Variants in C16orf46 observed in about 807,000 individuals in gnomAD.
C16orf46 encodes uncharacterized protein C16orf46.
In C16orf46, 7 loss-of-function variants were observed where a neutral mutation model predicts 5.5. The observed-to-expected ratio is 1.28, with a 90% CI of 0.73 to 2.40. The LOEUF is 2.40. Ranked by LOEUF, C16orf46 falls within the 30% of genes most tolerant of loss-of-function variation. The pLI is 0.00. For missense variants in C16orf46, 614 were observed against 476.0 expected (o/e 1.29, Z -2.70); for synonymous variants, 200 against 184.1 (o/e 1.09, Z -0.70).
chr16:81,074,735 ATTTT>A (rs559369921), intron 1 of C16orf46, among the ~76,000 whole-genome samples: 7 of 144,286 alleles, frequency 4.9e-5, no homozygotes, highest in Admixed American at 4.2e-4. Context: ...CAACTTCCAG[ATTTT>A]TTTTTTTTTC....
At chr16:81,057,149 G>A (rs190256702), downstream of C16orf46, among the ~76,000 whole-genome samples, 2 of 152,264 alleles carry the variant, frequency 1.3e-5, no homozygotes, top group East Asian at 3.9e-4. Context: ...AGGTTGAAAA[G>A]CCCTGTCCTA....
In C16orf46 at chr16:81,061,647, C is replaced by A. The variant is rs1971480984; in HGVS notation, c.702G>T (p.Leu234Phe). 1 of 1,614,212 alleles carries A rather than the reference C, an allele frequency of 6.2e-7. No homozygotes were observed. Among genetic ancestry groups the A allele is most frequent in the South Asian group, 1.1e-5 (1 of 91,088 alleles). Residue 234 changes from leucine to phenylalanine, a missense_variant, in exon 4 of 4, where the codon TTG becomes TTT. Transcript: ENST00000299578. ...CATCCAGCACCTTCTCTTCTGACTG[C>A]AAGAAAGAGTTCTTACTCTTCTTAC... ...VLGKKSKNSF[L>F]QSEEKVLDVE...
chr16:81,060,120 G>C (rs1567572103), downstream of C16orf46, among the ~76,000 whole-genome samples: 1 of 151,968 alleles, frequency 6.6e-6, no homozygotes, highest in Non-Finnish European at 1.5e-5. Context: ...CTGCTTCCCA[G>C]GCTGGATTTT....
Position 81,063,768 on chromosome 16 carries a change from A to T in C16orf46, c.188T>A (p.Ile63Asn). The T allele has an allele frequency of 1.2e-6, 2 of 1,613,740 alleles. No individual in the cohort carries two copies. Among genetic ancestry groups the T allele is most frequent in the East Asian group, 4.5e-5 (2 of 44,868 alleles). Residue 63 changes from isoleucine (I) to asparagine (N), a missense_variant, in exon 3 of 4, where the codon ATT becomes AAT. Transcript: ENST00000299578. ...CACTGCCTCTTCCCATCCAGTTCCA[A>T]TAATAAACTCTTTGGCTTTTTCATC... ...EQDEKAKEFI[I>N]GTGWEEAVQG... is the part of the protein sequence containing the mutation.
Position 81,067,965 on chromosome 16 carries a change from G to C in C16orf46, c.-127-1684C>G, listed in dbSNP as rs142209287. Reference sequence around the variant, plus strand: ...TAACAAGTTTTATAAAAGTGATTTAGAGGAACTCCAGAAATATTTGTCCAA... The same window carrying C: ...TAACAAGTTTTATAAAAGTGATTTACAGGAACTCCAGAAATATTTGTCCAA... On this transcript the variant is annotated intron_variant, in intron 1 of 3. Transcript: ENST00000299578. 2.8e-3 allele frequency among the ~76,000 whole-genome samples: 433 copies of C among 152,344 alleles called. 3 individuals carry two copies. The highest frequency in any genetic ancestry group is 0.01 in the African/African-American group (416 of 41,578).
chr16:81,074,603 T>C (rs1262412920), intron 1 of C16orf46, among the ~76,000 whole-genome samples: 5 of 152,136 alleles, frequency 3.3e-5, no homozygotes, highest in Admixed American at 6.5e-5. Context: ...TAGGATGGTC[T>C]CGATCTCTTG....
At chr16:81,067,088 C>A (rs774600900) in intron 1 of C16orf46, among the ~76,000 whole-genome samples, 31 of 152,098 alleles carry the variant, frequency 2.0e-4, no homozygotes, top group Non-Finnish European at 2.4e-4. Flanking sequence ...CAAAGAAAAA[C>A]TGATCAAAGA....
intron 1 of C16orf46, among the ~76,000 whole-genome samples, chr16:81,072,575 A>C (rs1971893535): frequency 6.6e-6 from 1 of 151,758 alleles, no homozygotes; most frequent in Non-Finnish European, 1.5e-5. Context: ...GTAGAGATGG[A>C]GTTTCTTCAT....
At chr16:81,054,868 G>A (rs561021755) in intron 3 of C16orf46, among the ~76,000 whole-genome samples, 2 of 152,036 alleles carry the variant, frequency 1.3e-5, no homozygotes, top group East Asian at 1.9e-4. Flanking sequence ...GGCTGGTCTC[G>A]AACTCCTGAC....
Position 81,061,651 on chromosome 16 carries a change from A to T in C16orf46, c.698T>A (p.Phe233Tyr). The T allele has an allele frequency of 6.2e-7, 1 of 1,614,178 alleles. No homozygotes were observed. Among genetic ancestry groups the T allele is most frequent in the Non-Finnish European group, 8.5e-7 (1 of 1,180,034 alleles). The change falls in exon 4 of 4, where the codon TTC becomes TAC. Residue 233 changes from phenylalanine to tyrosine, a missense_variant. Transcript: ENST00000299578. ...CAGCACCTTCTCTTCTGACTGCAAG[A>T]AAGAGTTCTTACTCTTCTTACCCAG... ...DVLGKKSKNS[F>Y]LQSEEKVLDV...
chr16:81,059,279 C>T (rs1218937194), downstream of C16orf46, among the ~76,000 whole-genome samples: 1 of 138,878 alleles, frequency 7.2e-6, no homozygotes, highest in Non-Finnish European at 1.5e-5. Flanking sequence ...CAAGATCATG[C>T]CACTGCATTC....
chr16:81,071,100 G>C (rs1402163188), intron 1 of C16orf46, among the ~76,000 whole-genome samples: 1 of 152,174 alleles, frequency 6.6e-6, no homozygotes, highest in Non-Finnish European at 1.5e-5. Context: ...CAATCAGACA[G>C]CGGCGATATG....
intron 1 of C16orf46, among the ~76,000 whole-genome samples, chr16:81,076,252 A>C (rs969254686): frequency 1.4e-4 from 22 of 152,244 alleles, no homozygotes; most frequent in Admixed American, 1.4e-3. Context: ...CAGTTTCTAC[A>C]GGAAAATGAG....
At chr16:81,070,664 G>T (rs762858946) in intron 1 of C16orf46, among the ~76,000 whole-genome samples, 3 of 152,034 alleles carry the variant, frequency 2.0e-5, no homozygotes, top group Non-Finnish European at 4.4e-5. Context: ...CTTTTATTTG[G>T]GGGTTTCCTG....
chr16:81,061,980 T>A lies in C16orf46; in HGVS notation c.369A>T (p.Pro123=), dbSNP rs1208155469. 1.9e-6 allele frequency: 3 copies of A among 1,614,184 alleles called. No individual in the cohort carries two copies. Among genetic ancestry groups the A allele is most frequent in the Non-Finnish European group, 2.5e-6 (3 of 1,180,022 alleles). The change falls in exon 4 of 4, where the codon CCA becomes CCT. Residue 123 remains proline, a synonymous_variant. Coordinates refer to ENST00000299578, the MANE Select transcript of C16orf46 (RefSeq NM_152337.3). ...GGGAGGGGCTGCTCTGATCCTTCTC[T>A]GGGCCCCCCTCAGTAGGAGGCTTGG... ...LQTKPPTEGG[P]EKDQSSPSQT...
At chr16:81,063,256 A>AT (rs1971546789) in intron 3 of C16orf46, among the ~76,000 whole-genome samples, 1 of 151,266 alleles carries the variant, frequency 6.6e-6, no homozygotes, top group African/African-American at 2.4e-5. Flanking sequence ...GAAAAAAAAA[A>AT]AAAAAAAAAA....
chr16:81,056,782 C>T (rs377563549), downstream of C16orf46, among the ~76,000 whole-genome samples: 3 of 151,642 alleles, frequency 2.0e-5, no homozygotes, highest in Non-Finnish European at 2.9e-5. Context: ...ACCATGAGAC[C>T]CTAGAGGACC....
exon 4 of C16orf46, chr16:81,053,710 T>C (rs1310597212): frequency 5.4e-6 from 1 of 186,498 alleles, no homozygotes; most frequent in Non-Finnish European, 1.1e-5. Flanking sequence ...AAACAAGTCA[T>C]ACTCTTTTTA....
At chr16:81,071,375 G>A (rs1395482584) in intron 1 of C16orf46, among the ~76,000 whole-genome samples, 2 of 152,224 alleles carry the variant, frequency 1.3e-5, no homozygotes, top group Non-Finnish European at 2.9e-5. Context: ...CAGGGGAAGA[G>A]AAGTCACTAT....
Sources: allele counts gnomAD v4.1 joint callset (sites outside exome capture counted in the v4.1 genomes callset), GRCh38; gene constraint gnomAD v4.1.1; transcripts MANE v1.5; gene names NCBI Gene and HGNC (gene_info 2026-07-23, HGNC 2026-07-21).